DOCK5: variants seen among roughly 807,000 people sequenced by gnomAD.
DOCK5 encodes dedicator of cytokinesis protein 5.
Under a neutral mutation model 251.8 loss-of-function variants are expected in DOCK5, and 142 were observed. That is an observed-to-expected ratio of 0.56 (90% CI 0.49 to 0.65). The LOEUF (loss-of-function observed/expected upper bound fraction) is 0.65. Ranked by LOEUF, DOCK5 falls within the 30% of genes least tolerant of loss-of-function variation. DOCK5 has a pLI of 0.00. For missense variants in DOCK5, 2,111 were observed against 2,312.3 expected (o/e 0.91, Z 1.79); for synonymous variants, 842 against 835.5 (o/e 1.01, Z -0.13).
chr8:25,216,045 A>G (rs999918753), intron 1 of DOCK5, among the ~76,000 whole-genome samples: 3 of 151,770 alleles, frequency 2.0e-5, no homozygotes, highest in Non-Finnish European at 4.4e-5. Flanking sequence ...TGTATACAAT[A>G]TGTATATATG....
chr8:25,357,780 C>T (rs1800604689), intron 27 of DOCK5, among the ~76,000 whole-genome samples: 1 of 152,122 alleles, frequency 6.6e-6, no homozygotes, highest in African/African-American at 2.4e-5. Context: ...GAATCTTTCC[C>T]TCTGTTTTAG....
intron 13 of DOCK5, among the ~76,000 whole-genome samples, chr8:25,315,400 G>C (rs1023751316): frequency 3.3e-5 from 5 of 152,106 alleles, no homozygotes; most frequent in Non-Finnish European, 7.3e-5. Flanking sequence ...GTTTACTTGT[G>C]CAGATTATTT....
intron 27 of DOCK5, among the ~76,000 whole-genome samples, chr8:25,356,800 T>C (rs1800581029): frequency 1.3e-5 from 2 of 151,508 alleles, no homozygotes; most frequent in Admixed American, 1.3e-4. Context: ...AATAAAATAA[T>C]AAATAGATAA....
At chr8:25,351,684 T>G (rs1800471128) in intron 26 of DOCK5, 47 bp from the exon 27 acceptor site, 1 of 1,496,106 alleles carries the variant, frequency 6.7e-7, no homozygotes, top group Non-Finnish European at 9.2e-7. Context: ...TTAAAGAAAG[T>G]GAAACTGAGT....
At chr8:25,218,645 A>G (rs1802309769) in intron 1 of DOCK5, among the ~76,000 whole-genome samples, 1 of 152,172 alleles carries the variant, frequency 6.6e-6, no homozygotes, top group South Asian at 2.1e-4. Flanking sequence ...AATGCAGGAG[A>G]AGGTGATAGC....
intron 11 of DOCK5, among the ~76,000 whole-genome samples, chr8:25,306,043 C>G (rs965889440): frequency 6.6e-6 from 1 of 152,170 alleles, no homozygotes; most frequent in Admixed American, 6.5e-5. Context: ...ATAGCCCATG[C>G]TAAGTAGTAC....
rs1426042511 is a variant in DOCK5, at chr8:25,209,385, AG to A, written c.43+24437del. Among the ~76,000 whole-genome samples, 6 of 70,824 alleles carry A rather than the reference AG, an allele frequency of 8.5e-5. 2 individuals are homozygous for A. Among genetic ancestry groups the A allele is most frequent in the South Asian group, 7.5e-4 (2 of 2,652 alleles). 46.5% of individuals were successfully genotyped at this position (70,824 alleles called of 152,430 possible). A position where few individuals can be genotyped will look rare whatever the true frequency, so the allele number is the denominator to read the frequency against. ...TTCCTTTCAATAAGCGAACATTGTGAGGGAGCGGGGTGGAGGCAAGAGACCG... is the reference window on the plus strand; with the variant it reads ...TTCCTTTCAATAAGCGAACATTGTGAGGAGCGGGGTGGAGGCAAGAGACCG... On this transcript the variant is annotated intron_variant, in intron 1 of 51. Transcript: ENST00000276440.
At chr8:25,234,133 T>C (rs1370383188) in intron 1 of DOCK5, among the ~76,000 whole-genome samples, 2 of 152,214 alleles carry the variant, frequency 1.3e-5, no homozygotes, top group Non-Finnish European at 2.9e-5. Flanking sequence ...TGTAGCCTGG[T>C]TGGGGATCAT....
intron 1 of DOCK5, among the ~76,000 whole-genome samples, chr8:25,205,644 T>A (rs968557890): frequency 6.6e-6 from 1 of 152,342 alleles, no homozygotes; most frequent in African/African-American, 2.4e-5. Flanking sequence ...TTTAGCAGCC[T>A]TCTGGCCTTG....
In DOCK5 at chr8:25,364,633, C is replaced by A. The variant is rs1479206977; in HGVS notation, c.3052C>A (p.Leu1018Ile). Residue 1018 changes from leucine (L) to isoleucine (I), a missense_variant, in exon 30 of 52, where the codon CTC (leucine) becomes ATC (isoleucine). This residue lies in a region of DOCK5 where 1,717 missense variants were observed against 1,892.4 expected (regional missense o/e 0.91). Coordinates refer to ENST00000276440, the MANE Select transcript of DOCK5 (RefSeq NM_024940.8). ...GGTGTTTTCCTTCCGCAGGGTTTTT[C>A]TCCGTGCTATAAATCAGTTTGCTGA... is the stretch of plus-strand genomic sequence containing the variant. Reference protein sequence around the residue: ...VMNMTQNRVFLRAINQFAEVL... With the variant: ...VMNMTQNRVFIRAINQFAEVL... 6.3e-7 allele frequency: 1 copy of A among 1,598,778 alleles called. No homozygotes were observed.
chr8:25,279,736 TC>T (rs1312520348), intron 5 of DOCK5, among the ~76,000 whole-genome samples: 1 of 151,772 alleles, frequency 6.6e-6, no homozygotes, highest in African/African-American at 2.4e-5. Context: ...TGCCTCAGCC[TC>T]CCAAGTAGCT....
At chr8:25,187,824 C>T (rs1161665793) in intron 1 of DOCK5, among the ~76,000 whole-genome samples, 1 of 152,136 alleles carries the variant, frequency 6.6e-6, no homozygotes, top group Non-Finnish European at 1.5e-5. Flanking sequence ...CTGTCCCTGC[C>T]AGGAGTGCCC....
rs1252895593 is a variant in DOCK5 at position 25,254,799 on chromosome 8, A to C, written c.127+11042A>C. ...AAAAAAAAACAAAACAAAACAAAAA[A>C]AAAAAACATTTGATAAAGGACTATT... On this transcript the variant is annotated intron_variant, in intron 2 of 51. Transcript: ENST00000276440. Among the ~76,000 whole-genome samples the C allele has an allele frequency of 6.1e-5, 9 of 147,820 alleles. 1 individual carries two copies. The highest frequency in any genetic ancestry group is 1.0e-4 in the Non-Finnish European group (7 of 66,998).
chr8:25,373,872 G>T (rs1274310029), intron 36 of DOCK5, among the ~76,000 whole-genome samples: 4 of 152,200 alleles, frequency 2.6e-5, no homozygotes, highest in African/African-American at 9.7e-5. Flanking sequence ...GGTCATGTCA[G>T]GGATCAGGGG....
intron 3 of DOCK5, 79 bp downstream of exon 3, chr8:25,268,964 C>T: frequency 8.2e-7 from 1 of 1,222,984 alleles, no homozygotes; most frequent in South Asian, 1.4e-5. Context: ...ACCCTCTCCT[C>T]TGCTCTCTGC....
At chr8:25,394,150 G>A (rs77857619) in intron 44 of DOCK5, among the ~76,000 whole-genome samples, 9,453 of 152,252 alleles carry the variant, frequency 0.062, 366 homozygotes, top group South Asian at 0.1. Flanking sequence ...GAGCCCAGGA[G>A]TTGGAGGTTA....
rs1800812181 is a variant in DOCK5, at chr8:25,368,192, A to G, written c.3225A>G (p.Lys1075=). The G allele has an allele frequency of 2.5e-6, 4 of 1,611,438 alleles. No homozygotes were observed. Among genetic ancestry groups the G allele is most frequent in the Non-Finnish European group, 3.4e-6 (4 of 1,178,406 alleles). The change falls in exon 32 of 52, where the codon AAA becomes AAG. Residue 1075 remains lysine (K), a splice_region_variant and synonymous_variant. Coordinates refer to ENST00000276440, the MANE Select transcript of DOCK5 (RefSeq NM_024940.8). The part of the protein sequence containing the change: ...SQAKRNKIVK[K]YGDMRKEIGF... ...TTCTAGTTTATGATCTTCTTCCTAGATATGGGGACATGAGAAAGGAAATCG... is the reference window on the plus strand; with the variant it reads ...TTCTAGTTTATGATCTTCTTCCTAGGTATGGGGACATGAGAAAGGAAATCG...
rs150812942 is a variant in DOCK5, at chr8:25,220,315, A to G, written c.44-23359A>G. ...AGGTGAGAAACTGAAAGTTGATTGG[A>G]TGCTCTGTGTATGGCTAGGCATGTT... is the stretch of plus-strand genomic sequence containing the variant. On this transcript the variant is annotated intron_variant, in intron 1 of 51. Transcript: ENST00000276440. 1.9e-3 allele frequency among the ~76,000 whole-genome samples: 292 copies of G among 152,116 alleles called. 1 individual carries two copies. Among genetic ancestry groups the G allele is most frequent in the African/African-American group, 6.7e-3 (279 of 41,504 alleles).
At chr8:25,385,736 GA>G (rs904933882) in intron 40 of DOCK5, among the ~76,000 whole-genome samples, 4 of 152,134 alleles carry the variant, frequency 2.6e-5, no homozygotes, top group Non-Finnish European at 5.9e-5. Flanking sequence ...TTTAGTATGA[GA>G]GATGGCCTAG....
Sources: allele counts gnomAD v4.1 joint callset (sites outside exome capture counted in the v4.1 genomes callset), GRCh38; gene constraint gnomAD v4.1.1; regional missense constraint gnomAD v4.1.1; transcripts MANE v1.5; gene names NCBI Gene and HGNC (gene_info 2026-07-23, HGNC 2026-07-21).